Variants in FAM20A observed in about 807,000 individuals in gnomAD.
FAM20A encodes the protein pseudokinase FAM20A.
A neutral mutation model predicts 52.0 loss-of-function variants in FAM20A; 42 were observed. The observed-to-expected ratio is 0.81, with a 90% CI of 0.63 to 1.04. The LOEUF (loss-of-function observed/expected upper bound fraction) is 1.04. FAM20A is among the 50% of genes least tolerant of loss of function. The pLI is 0.00. For missense variants in FAM20A, 742 were observed against 712.7 expected, an observed-to-expected ratio of 1.04 and a Z score of -0.47; for synonymous variants, 304 against 298.9, an observed-to-expected ratio of 1.02 and a Z score of -0.18.
chr17:68,543,683 TAGA>T lies in FAM20A; in HGVS notation c.755_757del (p.Phe252del), dbSNP rs768121766. The T allele has an allele frequency of 3.7e-5, 60 of 1,613,928 alleles. No individual in the cohort carries two copies. Among genetic ancestry groups the T allele is most frequent in the South Asian group, 1.2e-4 (11 of 91,082 alleles). On this transcript the variant is annotated inframe_deletion, in exon 5 of 11. Coordinates refer to ENST00000592554, the MANE Select transcript of FAM20A (RefSeq NM_017565.4). ...ATTGTGTCTCTGAAAGTCAATGAAG[TAGA>T]AGAAGTCCACTGGTGTCTCCTCATC...
chr17:68,555,492 T>C, intron 2 of FAM20A, 67 bp downstream of exon 2: 1 of 1,573,334 alleles, frequency 6.4e-7, no homozygotes, highest in South Asian at 1.1e-5. Context: ...GAGCCTAGCC[T>C]GGGATGCTTT....
At chr17:68,557,547 G>C (rs2087089588) in intron 1 of FAM20A, 1 of 152,150 alleles carries the variant, frequency 6.6e-6, no homozygotes, top group African/African-American at 2.4e-5. Flanking sequence ...ACCAGAAATG[G>C]AATCTGCCAG....
intron 1 of FAM20A, among the ~76,000 whole-genome samples, chr17:68,563,947 C>T (rs956403441): frequency 3.9e-5 from 6 of 152,166 alleles, no homozygotes; most frequent in African/African-American, 1.4e-4. Flanking sequence ...GATGACAATG[C>T]CATAGTTCGA....
At chr17:68,556,901 T>G (rs923692389) in intron 1 of FAM20A, among the ~76,000 whole-genome samples, 1 of 152,074 alleles carries the variant, frequency 6.6e-6, no homozygotes, top group Non-Finnish European at 1.5e-5. Context: ...AAAACAAACA[T>G]GGCAGATTTG....
At chr17:68,540,691 T>G (rs931250201) in intron 8 of FAM20A, 158 bp downstream of exon 8, 1 of 902,452 alleles carries the variant, frequency 1.1e-6, no homozygotes, top group African/African-American at 1.6e-5. Context: ...GCCTGTTACC[T>G]TCTGTCCTCT....
chr17:68,600,122 C>T lies in FAM20A; in HGVS notation c.404+141G>A. ...TGGTGGGGTTCGGGTGGGGAACACA[C>T]TCTAAGCCCAGCGCCAGGGCTGGAG... On this transcript the variant is annotated intron_variant, in intron 1 of 10. Transcript: ENST00000592554. This position sits in a 1 kb window ranked among gnomAD's most constrained non-coding sequence, Gnocchi z 6.2. The T allele has an allele frequency of 2.0e-6, 2 of 1,017,030 alleles. No homozygotes were observed. Among genetic ancestry groups the T allele is most frequent in the Non-Finnish European group, 2.8e-6 (2 of 712,496 alleles). The allele number at this position is 1,017,030 out of a possible 1,614,324, so 63.0% of individuals were successfully genotyped here.
In FAM20A at chr17:68,600,409, G is replaced by T; in HGVS notation, c.258C>A (p.Ser86Arg). 6.2e-7 allele frequency: 1 copy of T among 1,609,198 alleles called. No individual in the cohort carries two copies. The highest frequency in any genetic ancestry group is 1.1e-5 in the South Asian group (1 of 90,424). The change falls in exon 1 of 11, where the codon AGC (serine) becomes AGA (arginine). Residue 86 changes from serine to arginine, a missense_variant. Ser to Arg is a moderately radical substitution (Grantham distance 110). Transcript: ENST00000592554. The surrounding 1 kb of genome is among the most constrained non-coding windows in gnomAD (Gnocchi z 6.2). ...PRTEPAGGSHSGSSSKLQALF... is the reference protein window; with the variant it reads ...PRTEPAGGSHRGSSSKLQALF... Reference sequence around the variant, plus strand: ...GGGCCTGCAACTTGGAGCTCGACCCGCTGTGGCTGCCGCCAGCCGGTTCAG... The same window carrying T: ...GGGCCTGCAACTTGGAGCTCGACCCTCTGTGGCTGCCGCCAGCCGGTTCAG...
chr17:68,593,974 T>C lies in FAM20A; in HGVS notation c.404+6289A>G, dbSNP rs1410915568. Among the ~76,000 whole-genome samples, 3 of 152,130 alleles carry C rather than the reference T, an allele frequency of 2.0e-5. No individual in the cohort carries two copies. In the East Asian group the frequency reaches 5.8e-4, roughly 29 times the overall value. Reference sequence around the variant, plus strand: ...TGGGACATCTGGGCATCAAAGGACATAGGGTGGTGGAGCTGGTGGTTAAGA... The same window carrying C: ...TGGGACATCTGGGCATCAAAGGACACAGGGTGGTGGAGCTGGTGGTTAAGA... On this transcript the variant is annotated intron_variant, in intron 1 of 10. Transcript: ENST00000592554.
rs1046099326 is a variant in FAM20A at position 68,537,066 on chromosome 17, T to G, written c.*411A>C. On this transcript the variant is annotated 3_prime_UTR_variant, in exon 11 of 11. Transcript: ENST00000592554. The surrounding 1 kb of genome is among the most constrained non-coding windows in gnomAD (Gnocchi z 4.2). The stretch of plus-strand genomic sequence containing the variant: ...CTTGTGATAGGCCAGGTGTTTTGTC[T>G]GGACCAGGAGTTATCTTTGACTTGT... 4.4e-6 allele frequency: 2 copies of G among 458,368 alleles called. No individual in the cohort carries two copies. Among genetic ancestry groups the G allele is most frequent in the East Asian group, 6.9e-5 (1 of 14,534 alleles). The allele number at this position is 458,368 out of a possible 1,614,324, so 28.4% of individuals were successfully genotyped here. A position where few individuals can be genotyped will look rare whatever the true frequency, so the allele number is the denominator to read the frequency against.
intron 1 of FAM20A, among the ~76,000 whole-genome samples, chr17:68,595,209 A>G (rs939237274): frequency 2.6e-5 from 4 of 152,254 alleles, no homozygotes; most frequent in African/African-American, 9.6e-5. Context: ...GTTGTTAGGA[A>G]CAATGGAACA....
rs1412220088 is a variant in FAM20A, at chr17:68,600,477, G to C, written c.190C>G (p.Pro64Ala). Reference protein sequence around the residue: ...ARDSAAAASDPGTIVHNFSRT... With the variant: ...ARDSAAAASDAGTIVHNFSRT... Reference sequence around the variant, plus strand: ...GAAAAGTTGTGCACGATCGTGCCGGGGTCCGAGGCAGCTGCGGCCGAGTCC... The same window carrying C: ...GAAAAGTTGTGCACGATCGTGCCGGCGTCCGAGGCAGCTGCGGCCGAGTCC... Residue 64 changes from proline to alanine, a missense_variant, in exon 1 of 11, where the codon CCC (proline) becomes GCC (alanine). By Grantham distance (27) the Pro-to-Ala change is conservative (BLOSUM62 -1). Coordinates refer to ENST00000592554, the MANE Select transcript of FAM20A (RefSeq NM_017565.4). The surrounding 1 kb of genome is among the most constrained non-coding windows in gnomAD (Gnocchi z 6.2). 1 of 1,605,008 alleles carries C rather than the reference G, an allele frequency of 6.2e-7. No homozygotes were observed. The highest frequency in any genetic ancestry group is 2.3e-5 in the East Asian group (1 of 44,392).
In FAM20A at chr17:68,582,820, C is replaced by T. The variant is rs988671238; in HGVS notation, c.404+17443G>A. 5.7e-5 allele frequency among the ~76,000 whole-genome samples: 7 copies of T among 123,724 alleles called. No individual in the cohort carries two copies. The East Asian group carries it at 7.3e-4, about 13-fold the overall frequency. 81.2% of individuals were successfully genotyped at this position (123,724 alleles called of 152,430 possible). On this transcript the variant is annotated intron_variant, in intron 1 of 10. Transcript: ENST00000592554. ...TTTTTTTTTTTTTGAGACAGAGTCT[C>T]GCTCTGTAGCCCAGGCTGGATGGAG... is the stretch of plus-strand genomic sequence containing the variant.
intron 1 of FAM20A, among the ~76,000 whole-genome samples, chr17:68,559,372 G>C (rs1365354556): frequency 6.6e-6 from 1 of 152,088 alleles, no homozygotes; most frequent in Non-Finnish European, 1.5e-5. Context: ...ATTTGTGTTG[G>C]ACAGTGAGGC....
chr17:68,539,413 G>C lies in FAM20A; in HGVS notation c.1302-17C>G, dbSNP rs1229332843. The C allele has an allele frequency of 1.2e-6, 2 of 1,613,244 alleles. No homozygotes were observed. Among genetic ancestry groups the C allele is most frequent in the South Asian group, 1.1e-5 (1 of 91,060 alleles). ...CGTCCGAACCTAGGAGGAGAAACAG[G>C]CTTTTATGGGTGGCCGGCAGCATCC... On this transcript the variant is annotated splice_polypyrimidine_tract_variant and intron_variant, in intron 9 of 10. Transcript: ENST00000592554.
intron 4 of FAM20A, among the ~76,000 whole-genome samples, chr17:68,546,346 G>C (rs1464675116): frequency 6.6e-6 from 1 of 151,736 alleles, no homozygotes; most frequent in Non-Finnish European, 1.5e-5. Context: ...TCATCCATGG[G>C]GATTGAGATC....
Position 68,601,008 on chromosome 17 carries a change from C to A in FAM20A, c.-342G>T, listed in dbSNP as rs2088609815. On this transcript the variant is annotated 5_prime_UTR_variant, in exon 1 of 11. Transcript: ENST00000592554. ...TCGCGGCAGGTGAAGGGCCCCGGGG[C>A]GCCGGCGCCGGCTGCCACCGCGGGC... 1 of 159,340 alleles carries A rather than the reference C, an allele frequency of 6.3e-6. No individual in the cohort carries two copies. The highest frequency in any genetic ancestry group is 2.0e-4 in the South Asian group (1 of 4,912). The allele number at this position is 159,340 out of a possible 1,614,324, so 9.9% of individuals were successfully genotyped here.
chr17:68,588,555 T>C (rs1014113068), intron 1 of FAM20A, among the ~76,000 whole-genome samples: 1 of 152,244 alleles, frequency 6.6e-6, no homozygotes, highest in Non-Finnish European at 1.5e-5. Flanking sequence ...AAGTTCGTGG[T>C]GTCAGCAGGG....
At chr17:68,575,837 C>G (rs1048158073) in intron 1 of FAM20A, among the ~76,000 whole-genome samples, 1 of 131,422 alleles carries the variant, frequency 7.6e-6, no homozygotes, top group Non-Finnish European at 1.6e-5. Context: ...CACACATAAT[C>G]AGCCATTGGC....
At chr17:68,543,296 A>G (rs982391361) in intron 5 of FAM20A, among the ~76,000 whole-genome samples, 2 of 152,136 alleles carry the variant, frequency 1.3e-5, no homozygotes, top group Admixed American at 6.5e-5. Flanking sequence ...ACCTAATATC[A>G]TAACAGTGAG....
Sources: allele counts gnomAD v4.1 joint callset (sites outside exome capture counted in the v4.1 genomes callset), GRCh38; gene constraint gnomAD v4.1.1; non-coding constraint Gnocchi (gnomAD v3.1); transcripts MANE v1.5; gene names NCBI Gene and HGNC (gene_info 2026-07-23, HGNC 2026-07-21).